The following LHX2 variants were observed in gnomAD, a reference collection of about 807,000 sequenced individuals.
LHX2 encodes LIM homeobox 2, also known as LIM/homeobox protein Lhx2.
In LHX2, 6 loss-of-function variants were observed where a neutral mutation model predicts 33.0. The observed-to-expected ratio is 0.18, with a 90% CI of 0.10 to 0.36. LHX2 has a LOEUF of 0.36. LHX2 is among the 10% of genes least tolerant of loss of function. The pLI is 1.00. For missense variants in LHX2, 442 were observed against 586.2 expected (o/e 0.75, Z 2.54); for synonymous variants, 292 against 253.1 (o/e 1.15, Z -1.46).
At chr9:124,019,333 G>A (rs183659226) in intron 3 of LHX2, among the ~76,000 whole-genome samples, 27 of 152,350 alleles carry the variant, frequency 1.8e-4, no homozygotes, top group African/African-American at 6.3e-4. Flanking sequence ...GGCAGGGGAA[G>A]GGGGAGGTCA....
Position 124,032,459 on chromosome 9 carries a change from C to G in LHX2, c.973C>G (p.Leu325Val). Residue 325 changes from leucine to valine, a missense_variant, in exon 5 of 5, where the codon CTC becomes GTC. Coordinates refer to ENST00000373615, the MANE Select transcript of LHX2 (RefSeq NM_004789.4). The surrounding 1 kb of genome is among the most constrained non-coding windows in gnomAD (Gnocchi z 4.1). ...QNARAKFRRN[L>V]LRQENTGVDK... ...CGCCCGAGCCAAGTTCAGGCGCAAC[C>G]TCTTACGGCAGGAAAACACGGGCGT... The G allele has an allele frequency of 6.2e-7, 1 of 1,606,016 alleles. No individual in the cohort carries two copies. The highest frequency in any genetic ancestry group is 1.1e-5 in the South Asian group (1 of 90,958).
intron 3 of LHX2, among the ~76,000 whole-genome samples, chr9:124,020,606 C>A (rs138424690): frequency 6.6e-6 from 1 of 152,130 alleles, no homozygotes; most frequent in South Asian, 2.1e-4. Context: ...GCCCAGAGAC[C>A]CTGTCCTGCT....
At position 124,015,172 on chromosome 9, in the gene LHX2, C is replaced by G. The variant is rs1859162689; in HGVS notation, c.374C>G (p.Ser125Trp). ...CARCHLGISA[S>W]EMVMRARDLV... ...CGCTGCCACCTGGGCATCTCGGCCT[C>G]GGAGATGGTGATGCGCGCTCGGGAC... is the stretch of plus-strand genomic sequence containing the variant. Residue 125 changes from serine to tryptophan, a missense_variant, in exon 3 of 5, where the codon TCG becomes TGG. Around this residue, in one of 5 missense-constraint regions of LHX2, gnomAD observed 72 missense variants for 171.6 expected, o/e 0.42. Coordinates refer to ENST00000373615, the MANE Select transcript of LHX2 (RefSeq NM_004789.4). The surrounding 1 kb of genome is among the most constrained non-coding windows in gnomAD (Gnocchi z 7.9). The G allele has an allele frequency of 6.2e-7, 1 of 1,613,948 alleles. No homozygotes were observed. Among genetic ancestry groups the G allele is most frequent in the Non-Finnish European group, 8.5e-7 (1 of 1,180,054 alleles).
rs540139366 is a variant in LHX2, at chr9:124,013,357, C to G, written c.121-604C>G. ...GTTGAACCTGTCCTTCACCCACGGA[C>G]TTTGAGGGTGTCCCTGCACCCCACT... On this transcript the variant is annotated intron_variant, in intron 1 of 4. Transcript: ENST00000373615. 4.6e-5 allele frequency among the ~76,000 whole-genome samples: 7 copies of G among 152,334 alleles called. No homozygotes were observed. The East Asian group carries it at 1.4e-3, about 29-fold the overall frequency.
intron 4 of LHX2, among the ~76,000 whole-genome samples, chr9:124,029,153 T>C (rs1372451542): frequency 1.3e-5 from 2 of 152,062 alleles, no homozygotes; most frequent in East Asian, 3.9e-4. Flanking sequence ...TAAATAAATC[T>C]ATAAAATGGG....
chr9:124,028,358 C>T (rs928679823), intron 4 of LHX2, among the ~76,000 whole-genome samples: 2 of 152,196 alleles, frequency 1.3e-5, no homozygotes, highest in Non-Finnish European at 2.9e-5. Flanking sequence ...CTTCTTGTCC[C>T]AGACACACAG....
rs1314795252 is a variant in LHX2, at chr9:124,014,916, A to G, written c.324-206A>G. 2.0e-5 allele frequency among the ~76,000 whole-genome samples: 3 copies of G among 152,136 alleles called. No homozygotes were observed. The highest frequency in any genetic ancestry group is 4.4e-5 in the Non-Finnish European group (3 of 68,010). ...GGGTGAAGTAGAAGTCTCTGTAGGCATAAGTGTGTTAAGGGAAACTATTTT... is the reference window on the plus strand; with the variant it reads ...GGGTGAAGTAGAAGTCTCTGTAGGCGTAAGTGTGTTAAGGGAAACTATTTT... On this transcript the variant is annotated intron_variant, in intron 2 of 4. Transcript: ENST00000373615. The surrounding 1 kb of genome is among the most constrained non-coding windows in gnomAD (Gnocchi z 4.8).
chr9:124,012,514 C>A lies in LHX2; in HGVS notation c.120+46C>A. ...TCGGGGCTGAGAGCTGGGATGGGGC[C>A]GGGCCAGTCAGCGCCTCTGCTCCCC... On this transcript the variant is annotated intron_variant, in intron 1 of 4. Transcript: ENST00000373615. This position sits in a 1 kb window ranked among gnomAD's most constrained non-coding sequence, Gnocchi z 4.3. The A allele has an allele frequency of 2.0e-6, 3 of 1,472,930 alleles. No individual in the cohort carries two copies. Among genetic ancestry groups the A allele is most frequent in the Non-Finnish European group, 2.7e-6 (3 of 1,114,340 alleles). The allele number at this position is 1,472,930 out of a possible 1,614,324, so 91.2% of individuals were successfully genotyped here.
intron 1 of LHX2, among the ~76,000 whole-genome samples, chr9:124,013,707 G>C (rs1235790219): frequency 6.6e-6 from 1 of 152,278 alleles, no homozygotes; most frequent in Non-Finnish European, 1.5e-5. Flanking sequence ...GTAAGCACCA[G>C]AGCCATTTAG....
chr9:124,015,468 C>G lies in LHX2; in HGVS notation c.670C>G (p.Arg224Gly). ...TGGCGTGGGCACTGTGCAGAAGGGG[C>G]GGCCGAGGAAACGTAAGAGCCCGGG... ...YNGVGTVQKG[R>G]PRKRKSPGPG... The change falls in exon 3 of 5, where the codon CGG becomes GGG. Residue 224 changes from arginine to glycine, a missense_variant. Coordinates refer to ENST00000373615, the MANE Select transcript of LHX2 (RefSeq NM_004789.4). This position sits in a 1 kb window ranked among gnomAD's most constrained non-coding sequence, Gnocchi z 7.9. The G allele has an allele frequency of 6.6e-7, 1 of 1,510,148 alleles. No homozygotes were observed. Among genetic ancestry groups the G allele is most frequent in the Non-Finnish European group, 8.8e-7 (1 of 1,130,734 alleles). The allele number at this position is 1,510,148 out of a possible 1,614,324, so 93.5% of individuals were successfully genotyped here.
Position 124,014,289 on chromosome 9 carries a change from C to T in LHX2, c.323+126C>T, listed in dbSNP as rs1859147575. On this transcript the variant is annotated intron_variant, in intron 2 of 4. Coordinates refer to ENST00000373615, the MANE Select transcript of LHX2 (RefSeq NM_004789.4). This position sits in a 1 kb window ranked among gnomAD's most constrained non-coding sequence, Gnocchi z 4.8. ...TTCACTACTCAGGACTCCCCCGCTCCCCCCCCAAGTTCTCCAAGCCACCAC... is the reference window on the plus strand; with the variant it reads ...TTCACTACTCAGGACTCCCCCGCTCTCCCCCCAAGTTCTCCAAGCCACCAC... The T allele has an allele frequency of 8.0e-6, 5 of 627,212 alleles. No individual in the cohort carries two copies. The highest frequency in any genetic ancestry group is 1.8e-5 in the South Asian group (1 of 55,870). The allele number at this position is 627,212 out of a possible 1,614,324, so 38.9% of individuals were successfully genotyped here. A position where few individuals can be genotyped will look rare whatever the true frequency, so the allele number is the denominator to read the frequency against.
chr9:124,025,227 G>C (rs1449191786), intron 4 of LHX2, among the ~76,000 whole-genome samples: 1 of 152,118 alleles, frequency 6.6e-6, no homozygotes, highest in African/African-American at 2.4e-5. Context: ...CGGATTACAA[G>C]GTCAGGAGAT....
rs138424690 is a variant in LHX2 at position 124,020,606 on chromosome 9, C to T, written c.728-493C>T. ...ACAGGAGGAGGGCAGGCCCAGAGAC[C>T]CTGTCCTGCTGTGTCCAAAGTCAAG... is the stretch of plus-strand genomic sequence containing the variant. On this transcript the variant is annotated intron_variant, in intron 3 of 4. Coordinates refer to ENST00000373615, the MANE Select transcript of LHX2 (RefSeq NM_004789.4). 5.5e-3 allele frequency among the ~76,000 whole-genome samples: 841 copies of T among 152,248 alleles called. 7 individuals are homozygous for T. The highest frequency in any genetic ancestry group is 0.019 in the African/African-American group (803 of 41,520).
Position 124,016,729 on chromosome 9 carries a change from G to T in LHX2, c.727+1204G>T, listed in dbSNP as rs1057078268. Among the ~76,000 whole-genome samples the T allele has an allele frequency of 1.3e-5, 2 of 152,184 alleles. No homozygotes were observed. The highest frequency in any genetic ancestry group is 2.4e-5 in the African/African-American group (1 of 41,452). ...CTGTGTGCGGAACTGGGAGGAAAAC[G>T]CAGCCCCCAGTTTGGTAAATGGTGA... On this transcript the variant is annotated intron_variant, in intron 3 of 4. Coordinates refer to ENST00000373615, the MANE Select transcript of LHX2 (RefSeq NM_004789.4). This position sits in a 1 kb window ranked among gnomAD's most constrained non-coding sequence, Gnocchi z 4.4.
At position 124,015,215 on chromosome 9, in the gene LHX2, C is replaced by T. The variant is rs527919499; in HGVS notation, c.417C>T (p.Asn139=). ...MRARDLVYHL[N]CFTCTTCNKM... is the part of the protein sequence containing the mutation. ...CTCGGGACTTGGTTTATCACCTCAACTGCTTCACGTGCACCACGTGTAACA... is the reference window on the plus strand; with the variant it reads ...CTCGGGACTTGGTTTATCACCTCAATTGCTTCACGTGCACCACGTGTAACA... Residue 139 remains asparagine (N), a synonymous_variant, in exon 3 of 5, where the codon AAC becomes AAT. Coordinates refer to ENST00000373615, the MANE Select transcript of LHX2 (RefSeq NM_004789.4). The surrounding 1 kb of genome is among the most constrained non-coding windows in gnomAD (Gnocchi z 7.9). 1.3e-5 allele frequency: 21 copies of T among 1,614,202 alleles called. No individual in the cohort carries two copies. The East Asian group carries it at 4.2e-4, about 33-fold the overall frequency.
rs1307840074 is a variant in LHX2 at position 124,032,264 on chromosome 9, A to C, written c.934-156A>C. 1.1e-6 allele frequency: 1 copy of C among 900,774 alleles called. No homozygotes were observed. The highest frequency in any genetic ancestry group is 1.6e-6 in the Non-Finnish European group (1 of 617,568). The allele number at this position is 900,774 out of a possible 1,614,324, so 55.8% of individuals were successfully genotyped here. A position where few individuals can be genotyped will look rare whatever the true frequency, so the allele number is the denominator to read the frequency against. On this transcript the variant is annotated intron_variant, in intron 4 of 4. Transcript: ENST00000373615. This position sits in a 1 kb window ranked among gnomAD's most constrained non-coding sequence, Gnocchi z 4.1. ...CTGCAAACAAAAACAAAAACAAAAA[A>C]ACCAAAAAAGCAAAATATTGCCAAC... is the stretch of plus-strand genomic sequence containing the variant.
At chr9:124,027,482 C>T (rs1040695936) in intron 4 of LHX2, among the ~76,000 whole-genome samples, 4 of 152,128 alleles carry the variant, frequency 2.6e-5, no homozygotes, top group African/African-American at 9.7e-5. Context: ...TTATAAGGAC[C>T]AAATGAGTTA....
At chr9:124,029,738 G>A (rs1828682563) in intron 4 of LHX2, among the ~76,000 whole-genome samples, 1 of 152,220 alleles carries the variant, frequency 6.6e-6, no homozygotes, top group Non-Finnish European at 1.5e-5. Context: ...CTACTGCTCT[G>A]AGAGTCAGAC....
Position 124,015,004 on chromosome 9 carries a change from C to A in LHX2, c.324-118C>A. 1 of 1,161,120 alleles carries A rather than the reference C, an allele frequency of 8.6e-7. No individual in the cohort carries two copies. The highest frequency in any genetic ancestry group is 1.2e-6 in the Non-Finnish European group (1 of 818,570). The allele number at this position is 1,161,120 out of a possible 1,614,324, so 71.9% of individuals were successfully genotyped here. On this transcript the variant is annotated intron_variant, in intron 2 of 4. Transcript: ENST00000373615. The surrounding 1 kb of genome is among the most constrained non-coding windows in gnomAD (Gnocchi z 7.9). ...CTCCCCCCCATCCTCCAAATAAAGG[C>A]CGGGTTGTTCGTCTTGAGGAGGGGA... is the stretch of plus-strand genomic sequence containing the variant.
Sources: gnomAD v4.1 joint callset for allele counts (sites outside exome capture counted in the v4.1 genomes callset) on GRCh38, gnomAD v4.1.1 for gene constraint, gnomAD v4.1.1 regional missense constraint, Gnocchi (gnomAD v3.1) non-coding constraint, MANE v1.5 for transcripts, NCBI Gene and HGNC (gene_info 2026-07-23, HGNC 2026-07-21) for gene names.